CWF19L2: variants seen among roughly 807,000 people sequenced by gnomAD.
CWF19L2 encodes the protein CWF19-like protein 2.
A neutral mutation model predicts 111.7 loss-of-function variants in CWF19L2; 98 were observed. The observed-to-expected ratio is 0.88, with a 90% CI of 0.75 to 1.04. The LOEUF is 1.04. Among genes scored for constraint, CWF19L2 ranks in the 50% least tolerant of loss-of-function variants. The pLI, the probability that CWF19L2 is intolerant of heterozygous loss-of-function variation, is 0.00. For synonymous variants in CWF19L2, 351 were observed against 342.9 expected, an observed-to-expected ratio of 1.02 and a Z score of -0.26; for missense variants, 1,101 against 1,051.4, an observed-to-expected ratio of 1.05 and a Z score of -0.65.
chr11:107,353,985 T>C (rs1325441164), intron 12 of CWF19L2, among the ~76,000 whole-genome samples: 1 of 152,176 alleles, frequency 6.6e-6, no homozygotes, highest in East Asian at 1.9e-4. Flanking sequence ...TATACTCCTA[T>C]GTGGTGGGGA....
intron 12 of CWF19L2, among the ~76,000 whole-genome samples, chr11:107,364,305 G>C (rs1172104649): frequency 2.7e-5 from 4 of 145,768 alleles, no homozygotes; most frequent in Admixed American, 6.7e-5. Context: ...ATTGAACTCA[G>C]CTCTGCCTCA....
chr11:107,392,010 A>G (rs1249300686), intron 11 of CWF19L2, among the ~76,000 whole-genome samples: 4 of 152,140 alleles, frequency 2.6e-5, no homozygotes, highest in Non-Finnish European at 4.4e-5. Context: ...CCACCATTTC[A>G]TATAAATCAG....
intron 1 of CWF19L2, 70 bp downstream of exon 1, chr11:107,457,642 T>A: frequency 8.9e-7 from 1 of 1,125,932 alleles, no homozygotes. Flanking sequence ...AAGGGGTGAG[T>A]GGGCTAGCTT....
At chr11:107,327,856 A>G (rs1026915245) in intron 17 of CWF19L2, among the ~76,000 whole-genome samples, 7 of 152,150 alleles carry the variant, frequency 4.6e-5, no homozygotes, top group African/African-American at 1.7e-4. Flanking sequence ...CTAAGGATCA[A>G]ATTCTGCATA....
chr11:107,448,416 C>G (rs1028671934), intron 3 of CWF19L2, among the ~76,000 whole-genome samples: 2 of 149,788 alleles, frequency 1.3e-5, no homozygotes, highest in Non-Finnish European at 3.0e-5. Context: ...TATACCCAAC[C>G]CAAGGCATAG....
chr11:107,360,116 C>T (rs1424446049), intron 12 of CWF19L2, among the ~76,000 whole-genome samples: 1 of 152,184 alleles, frequency 6.6e-6, no homozygotes, highest in Admixed American at 6.5e-5. Flanking sequence ...CCTCCCACCC[C>T]CTTATTCTTC....
In CWF19L2 at chr11:107,381,940, T is replaced by C. The variant is rs78770676; in HGVS notation, c.1872+8134A>G. Among the ~76,000 whole-genome samples, 628 of 152,268 alleles carry C rather than the reference T, an allele frequency of 4.1e-3. 2 individuals carry two copies. Among genetic ancestry groups the C allele is most frequent in the African/African-American group, 0.014 (562 of 41,570 alleles). On this transcript the variant is annotated intron_variant, in intron 12 of 17. Transcript: ENST00000282251. The stretch of plus-strand genomic sequence containing the variant: ...AAAATCCTAATTACTGGAGTCTTTT[T>C]TTCTCTCCCTTATCATTCCCCTCTT...
intron 12 of CWF19L2, among the ~76,000 whole-genome samples, chr11:107,361,618 T>C (rs1392725362): frequency 6.6e-6 from 1 of 152,212 alleles, no homozygotes; most frequent in Non-Finnish European, 1.5e-5. Flanking sequence ...AATGGGATGT[T>C]TTTCCATTTA....
chr11:107,374,141 G>T (rs1308664249), intron 12 of CWF19L2, among the ~76,000 whole-genome samples: 12 of 134,630 alleles, frequency 8.9e-5, no homozygotes, highest in East Asian at 2.1e-4. Context: ...AATCTACGTC[G>T]GATTGGTGTA....
At position 107,343,234 on chromosome 11, in the gene CWF19L2, T is replaced by C. The variant is rs565513035; in HGVS notation, c.2202+5703A>G. Among the ~76,000 whole-genome samples, 6 of 152,306 alleles carry C rather than the reference T, an allele frequency of 3.9e-5. 1 individual carries two copies. Among genetic ancestry groups the C allele is most frequent in the African/African-American group, 1.4e-4 (6 of 41,570 alleles). On this transcript the variant is annotated intron_variant, in intron 14 of 17. Transcript: ENST00000282251. ...GTGCTGAAGTCTCTAACCATAATTATGAATTTGCCTATTTCTCCTTTCAGT... is the reference window on the plus strand; with the variant it reads ...GTGCTGAAGTCTCTAACCATAATTACGAATTTGCCTATTTCTCCTTTCAGT...
In CWF19L2 at chr11:107,335,802, T is replaced by C. The variant is rs112535761; in HGVS notation, c.2358+756A>G. 2.2e-4 allele frequency among the ~76,000 whole-genome samples: 34 copies of C among 152,256 alleles called. 1 individual carries two copies. The highest frequency in any genetic ancestry group is 8.2e-4 in the African/African-American group (34 of 41,556). On this transcript the variant is annotated intron_variant, in intron 15 of 17. Transcript: ENST00000282251. ...AGCAAATTTTAAAGATAAAATAACA[T>C]TCAAATAAGTTCTATTTAAATAGAA...
At chr11:107,414,220 G>T (rs505650) in intron 10 of CWF19L2, among the ~76,000 whole-genome samples, 2 of 151,936 alleles carry the variant, frequency 1.3e-5, no homozygotes, top group East Asian at 3.9e-4. Flanking sequence ...TAGAGACAGG[G>T]TCTCACTCTG....
chr11:107,388,882 T>C (rs924430648), intron 12 of CWF19L2, among the ~76,000 whole-genome samples: 6 of 152,182 alleles, frequency 3.9e-5, no homozygotes, highest in Non-Finnish European at 8.8e-5. Context: ...CTGGCATTTT[T>C]TCCAAAATAA....
Position 107,373,702 on chromosome 11 carries a change from A to C in CWF19L2, c.1872+16372T>G, listed in dbSNP as rs1386414115. On this transcript the variant is annotated intron_variant, in intron 12 of 17. Transcript: ENST00000282251. ...GAACAGAAAAACTGGAAACTCTAAAAAGCAGAGCGCCTCTCCTCCTCCAAA... is the reference window on the plus strand; with the variant it reads ...GAACAGAAAAACTGGAAACTCTAAACAGCAGAGCGCCTCTCCTCCTCCAAA... Among the ~76,000 whole-genome samples, 24 of 132,820 alleles carry C rather than the reference A, an allele frequency of 1.8e-4. 6 individuals carry two copies. Among genetic ancestry groups the C allele is most frequent in the South Asian group, 8.0e-4 (3 of 3,760 alleles). The allele number at this position is 132,820 out of a possible 152,430, so 87.1% of individuals were successfully genotyped here.
chr11:107,410,780 C>G (rs1377016930), intron 10 of CWF19L2, among the ~76,000 whole-genome samples: 1 of 152,126 alleles, frequency 6.6e-6, no homozygotes. Context: ...TCCTTCTGTT[C>G]CAAGCCGCAA....
At chr11:107,378,271 A>G (rs1420744343) in intron 12 of CWF19L2, among the ~76,000 whole-genome samples, 2 of 150,034 alleles carry the variant, frequency 1.3e-5, no homozygotes, top group Non-Finnish European at 3.0e-5. Context: ...TACTGGGTAT[A>G]TACCCAAAGG....
At chr11:107,393,329 ATTCT>A (rs1478767148) in intron 10 of CWF19L2, among the ~76,000 whole-genome samples, 5 of 152,296 alleles carry the variant, frequency 3.3e-5, no homozygotes, top group East Asian at 3.9e-4. Context: ...CGTAACTTCT[ATTCT>A]TTCTATTAAT....
intron 5 of CWF19L2, among the ~76,000 whole-genome samples, chr11:107,440,781 C>A (rs1442977729): frequency 6.6e-6 from 1 of 152,110 alleles, no homozygotes; most frequent in African/African-American, 2.4e-5. Flanking sequence ...GCTCCCAGTA[C>A]AAGAAATCTG....
chr11:107,384,818 T>G (rs970195457), intron 12 of CWF19L2, among the ~76,000 whole-genome samples: 3 of 152,214 alleles, frequency 2.0e-5, no homozygotes, highest in African/African-American at 7.2e-5. Context: ...TTTAAACTAA[T>G]GACTTTAAAC....
Sources: allele counts gnomAD v4.1 joint callset (sites outside exome capture counted in the v4.1 genomes callset), GRCh38; gene constraint gnomAD v4.1.1; transcripts MANE v1.5; gene names NCBI Gene and HGNC (gene_info 2026-07-23, HGNC 2026-07-21).